HSPG2: variants seen among roughly 807,000 people sequenced by gnomAD.
The protein encoded by HSPG2 is basement membrane-specific heparan sulfate proteoglycan core protein.
A neutral mutation model predicts 526.6 loss-of-function variants in HSPG2; 278 were observed. The observed-to-expected ratio is 0.53, with a 90% CI of 0.48 to 0.58. HSPG2 has a LOEUF of 0.58. Among genes scored for constraint, HSPG2 ranks in the 20% least tolerant of loss-of-function variants. The pLI is 0.00. For missense variants in HSPG2, 5,354 were observed against 6,099.5 expected, an observed-to-expected ratio of 0.88 and a Z score of 4.07; for synonymous variants, 2,465 against 2,555.4, an observed-to-expected ratio of 0.96 and a Z score of 1.07.
intron 76 of HSPG2, 55 bp downstream of exon 76, chr1:21,835,485 G>A (rs2098022826): frequency 2.6e-6 from 3 of 1,172,908 alleles, no homozygotes; most frequent in South Asian, 2.4e-5. Context: ...GTGCCTCTCT[G>A]CCTTTCTCAT....
rs771245142 is a variant in HSPG2, at chr1:21,854,263, C to A, written c.6369G>T (p.Ser2123=). Residue 2123 remains serine, a synonymous_variant, in exon 50 of 97, where the codon TCG becomes TCT. Transcript: ENST00000374695. ...CAGTAATGGAGGCCTCCTTGGGGCC[C>A]GATCCATTCTCCACACGGCACACAT... is the stretch of plus-strand genomic sequence containing the variant. The part of the protein sequence containing the change: ...GEYVCRVENG[S]GPKEASITVS... 6.3e-7 allele frequency: 1 copy of A among 1,585,862 alleles called. No individual in the cohort carries two copies. Among genetic ancestry groups the A allele is most frequent in the Non-Finnish European group, 8.6e-7 (1 of 1,165,716 alleles).
chr1:21,887,788 C>A lies in HSPG2; in HGVS notation c.704-114G>T. ...CTCCCCAACACCACTCCCTGCCACC[C>A]CCTGCCTGGCTCTGTCATCACCCTT... On this transcript the variant is annotated intron_variant, in intron 7 of 96. Transcript: ENST00000374695. The surrounding 1 kb of genome is among the most constrained non-coding windows in gnomAD (Gnocchi z 5.0). 1 of 1,560,972 alleles carries A rather than the reference C, an allele frequency of 6.4e-7. No homozygotes were observed. The highest frequency in any genetic ancestry group is 8.8e-7 in the Non-Finnish European group (1 of 1,134,346).
chr1:21,902,491 T>G (rs1365493216), intron 1 of HSPG2, among the ~76,000 whole-genome samples: 1 of 152,208 alleles, frequency 6.6e-6, no homozygotes, highest in African/African-American at 2.4e-5. Flanking sequence ...ACTCATTTGA[T>G]AGATAAGGAA....
intron 37 of HSPG2, among the ~76,000 whole-genome samples, chr1:21,863,060 CAAAAAA>C (rs60890297): frequency 2.6e-4 from 8 of 31,234 alleles, no homozygotes; most frequent in South Asian, 1.8e-3. Flanking sequence ...GACTCCATCT[CAAAAAA>C]AAAAAAAAAA....
chr1:21,852,738 G>T lies in HSPG2; in HGVS notation c.6686C>A (p.Ala2229Asp), dbSNP rs139103807. 3.7e-6 allele frequency: 6 copies of T among 1,613,360 alleles called. No individual in the cohort carries two copies. The highest frequency in any genetic ancestry group is 3.4e-6 in the Non-Finnish European group (4 of 1,180,024). Reference sequence around the variant, plus strand: ...GGCTTCGATGGTGACCAGGACTGAGGCCTCTAGGGGGCCGGAGGTGCCCAC... The same window carrying T: ...GGCTTCGATGGTGACCAGGACTGAGTCCTCTAGGGGGCCGGAGGTGCCCAC... ...HVVGTSGPLE[A>D]SVLVTIEASV... is the part of the protein sequence containing the mutation. Residue 2229 changes from alanine to aspartate, a missense_variant, in exon 52 of 97, where the codon GCC becomes GAC. Physicochemically the swap from Ala to Asp is moderately radical, Grantham distance 126. Coordinates refer to ENST00000374695, the MANE Select transcript of HSPG2 (RefSeq NM_005529.7).
At chr1:21,866,007 G>C (rs993220750) in intron 33 of HSPG2, among the ~76,000 whole-genome samples, 198 bp from the exon 34 acceptor site, 7 of 151,824 alleles carry the variant, frequency 4.6e-5, no homozygotes, top group African/African-American at 1.7e-4. Flanking sequence ...TGTAGCCCCA[G>C]ACATGGTGGT....
chr1:21,930,363 C>T (rs1233981976), intron 1 of HSPG2, among the ~76,000 whole-genome samples: 1 of 152,184 alleles, frequency 6.6e-6, no homozygotes. Context: ...ATTTTTTCTT[C>T]TGAGCACTTA....
chr1:21,828,406 C>T lies in HSPG2; in HGVS notation c.12258G>A (p.Arg4086=). The T allele has an allele frequency of 6.2e-7, 1 of 1,613,578 alleles. No individual in the cohort carries two copies. The highest frequency in any genetic ancestry group is 8.5e-7 in the Non-Finnish European group (1 of 1,180,022). ...CVGEVSVNGK[R]LDLTYSFLGS... is the part of the protein sequence containing the mutation. ...CTAGGAAACTGTAGGTGAGGTCCAG[C>T]CGTTTGCCATTCACTGACACCTGTG... is the stretch of plus-strand genomic sequence containing the variant. Residue 4086 remains arginine, a synonymous_variant, in exon 89 of 97, where the codon CGG becomes CGA. Coordinates refer to ENST00000374695, the MANE Select transcript of HSPG2 (RefSeq NM_005529.7). The surrounding 1 kb of genome is among the most constrained non-coding windows in gnomAD (Gnocchi z 6.0).
chr1:21,926,643 C>G (rs566274407), intron 1 of HSPG2, among the ~76,000 whole-genome samples: 2 of 151,712 alleles, frequency 1.3e-5, no homozygotes, highest in Admixed American at 1.3e-4. Context: ...ATCCATAATC[C>G]CTGCTACCAG....
chr1:21,896,080 C>T (rs1329951830), intron 2 of HSPG2, 95 bp downstream of exon 2: 15 of 1,603,188 alleles, frequency 9.4e-6, no homozygotes, highest in South Asian at 8.8e-5. Context: ...TGAGAAAGCT[C>T]GGAATGGTCG....
At position 21,887,545 on chromosome 1, in the gene HSPG2, C is replaced by G. The variant is rs766807669; in HGVS notation, c.833G>C (p.Gly278Ala). 5.0e-6 allele frequency: 8 copies of G among 1,614,132 alleles called. No individual in the cohort carries two copies. The highest frequency in any genetic ancestry group is 6.8e-6 in the Non-Finnish European group (8 of 1,180,010). ...VTHAPQPLLP[G>A]SVRPLPCGPQ... The stretch of plus-strand genomic sequence containing the variant: ...CCCACAGGGCAGGGGCCTGACGGAA[C>G]CGGGAAGCAGGGGCTGAGGAGCGTG... The change falls in exon 8 of 97, where the codon GGT (glycine) becomes GCT (alanine). Residue 278 changes from glycine (G) to alanine (A), a missense_variant. Coordinates refer to ENST00000374695, the MANE Select transcript of HSPG2 (RefSeq NM_005529.7). This position sits in a 1 kb window ranked among gnomAD's most constrained non-coding sequence, Gnocchi z 5.0.
intron 1 of HSPG2, among the ~76,000 whole-genome samples, chr1:21,911,059 TGAA>T (rs1643639268): frequency 1.3e-5 from 2 of 152,148 alleles, no homozygotes; most frequent in Non-Finnish European, 2.9e-5. Context: ...GCCAGGAGCC[TGAA>T]GTCAGCCACT....
In HSPG2 at chr1:21,830,948, T is replaced by C. The variant is rs749504156; in HGVS notation, c.11671+34A>G. ...GGCAGCAAAGGGAAGAGGCAGGCCCTGGGGCGACAGCGACTGGCGGTCGGG... is the reference window on the plus strand; with the variant it reads ...GGCAGCAAAGGGAAGAGGCAGGCCCCGGGGCGACAGCGACTGGCGGTCGGG... On this transcript the variant is annotated intron_variant, in intron 85 of 96. Transcript: ENST00000374695. 16 of 1,450,856 alleles carry C rather than the reference T, an allele frequency of 1.1e-5. No homozygotes were observed. In the South Asian group the frequency reaches 1.9e-4, roughly 18 times the overall value. 89.9% of individuals were successfully genotyped at this position (1,450,856 alleles called of 1,614,324 possible).
chr1:21,912,903 C>T (rs1176944702), intron 1 of HSPG2, among the ~76,000 whole-genome samples: 1 of 151,920 alleles, frequency 6.6e-6, no homozygotes, highest in East Asian at 1.9e-4. Flanking sequence ...TCACTTGAAC[C>T]CGGGAGGCGG....
At chr1:21,840,151 T>A (rs934896516) in intron 71 of HSPG2, 134 bp from the exon 72 acceptor site, 17 of 730,960 alleles carry the variant, frequency 2.3e-5, no homozygotes, top group Non-Finnish European at 3.5e-5. Flanking sequence ...TATATATTTA[T>A]TTTTTGAGAC....
intron 1 of HSPG2, among the ~76,000 whole-genome samples, chr1:21,932,439 T>G (rs1644372406): frequency 6.6e-6 from 1 of 152,172 alleles, no homozygotes; most frequent in Admixed American, 6.5e-5. Context: ...AGCTACAGCT[T>G]AAAACATTCG....
chr1:21,904,527 C>A lies in HSPG2; in HGVS notation c.64-8217G>T, dbSNP rs1489807903. Among the ~76,000 whole-genome samples the A allele has an allele frequency of 6.6e-6, 1 of 152,150 alleles. No individual in the cohort carries two copies. The highest frequency in any genetic ancestry group is 2.4e-5 in the African/African-American group (1 of 41,438). ...TCACAGAGGCCAAGTCTCCCCTGTA[C>A]CCCCAGAGTCCCTGCACTCTCCTCC... On this transcript the variant is annotated intron_variant, in intron 1 of 96. Coordinates refer to ENST00000374695, the MANE Select transcript of HSPG2 (RefSeq NM_005529.7). The surrounding 1 kb of genome is among the most constrained non-coding windows in gnomAD (Gnocchi z 4.4).
At chr1:21,827,649 G>T (rs771840556) in intron 91 of HSPG2, among the ~76,000 whole-genome samples, 5 of 152,218 alleles carry the variant, frequency 3.3e-5, no homozygotes, top group Non-Finnish European at 7.3e-5. Flanking sequence ...AGGAAACTGA[G>T]GTCAGAGTGG....
At position 21,896,194 on chromosome 1, in the gene HSPG2, C is replaced by T; in HGVS notation, c.180G>A (p.Leu60=). 1 of 1,614,018 alleles carries T rather than the reference C, an allele frequency of 6.2e-7. No homozygotes were observed. Among genetic ancestry groups the T allele is most frequent in the Admixed American group, 1.7e-5 (1 of 60,016 alleles). The change falls in exon 2 of 97, where the codon CTG becomes CTA. Residue 60 remains leucine, a synonymous_variant. Transcript: ENST00000374695. Reference sequence around the variant, plus strand: ...GCTCACCTCCTGAGATGCTGTCAGCCAGCATGTCCTCATCATCAGAAAGGT... The same window carrying T: ...GCTCACCTCCTGAGATGCTGTCAGCTAGCATGTCCTCATCATCAGAAAGGT... The part of the protein sequence containing the change: ...HSYLSDDEDM[L]ADSISGDDLG...
Sources: gnomAD v4.1 joint callset for allele counts (sites outside exome capture counted in the v4.1 genomes callset) on GRCh38, gnomAD v4.1.1 for gene constraint, Gnocchi (gnomAD v3.1) non-coding constraint, MANE v1.5 for transcripts, NCBI Gene and HGNC (gene_info 2026-07-23, HGNC 2026-07-21) for gene names.